SATB1: variants seen among roughly 807,000 people sequenced by gnomAD.
SATB1 encodes DNA-binding protein SATB1.
SATB1 carries 11 observed loss-of-function variants against 86.9 expected under a neutral mutation model. That is an observed-to-expected ratio of 0.13 (90% CI 0.08 to 0.21). The LOEUF is 0.21. Among genes scored for constraint, SATB1 ranks in the 10% least tolerant of loss-of-function variants. SATB1 has a pLI of 1.00. For missense variants in SATB1, 551 were observed against 937.6 expected (o/e 0.59, Z 5.39); for synonymous variants, 357 against 357.2 (o/e 1.00, Z 0.01).
At chr3:18,410,115 G>A (rs1697757525) in intron 5 of SATB1, among the ~76,000 whole-genome samples, 1 of 152,050 alleles carries the variant, frequency 6.6e-6, no homozygotes. Context: ...GATCACCCAT[G>A]ATTAGGGGCT....
intron 5 of SATB1, among the ~76,000 whole-genome samples, chr3:18,408,499 C>T (rs1697663558): frequency 6.6e-6 from 1 of 151,920 alleles, no homozygotes; most frequent in African/African-American, 2.4e-5. Flanking sequence ...TTAAAAGTCC[C>T]AACAGCCAGA....
Position 18,370,780 on chromosome 3 carries a change from T to C in SATB1, c.1575+7390A>G, listed in dbSNP as rs117184940. ...GAGGCCTCATCAAGAAAAGGGCCAT[T>C]TGTTTGAAAATACTCTATTGAGCAT... On this transcript the variant is annotated intron_variant, in intron 9 of 10. Transcript: ENST00000338745. Among the ~76,000 whole-genome samples the C allele has an allele frequency of 1.8e-3, 274 of 152,270 alleles. 8 individuals are homozygous for C. In the East Asian group the frequency reaches 0.049, roughly 27 times the overall value.
At chr3:18,445,243 G>T in intron 1 of SATB1, 1 of 981,780 alleles carries the variant, frequency 1.0e-6, no homozygotes, top group Non-Finnish European at 1.2e-6. Context: ...CTCGGCGGCC[G>T]CTGGCGACAC....
chr3:18,398,819 T>C (rs541960232), intron 5 of SATB1, among the ~76,000 whole-genome samples: 2 of 152,132 alleles, frequency 1.3e-5, no homozygotes, highest in African/African-American at 2.4e-5. Context: ...ATTAATCCAA[T>C]AGCTTGCAAT....
chr3:18,402,845 C>T (rs1448998609), intron 5 of SATB1, among the ~76,000 whole-genome samples: 1 of 152,100 alleles, frequency 6.6e-6, no homozygotes, highest in Non-Finnish European at 1.5e-5. Context: ...GCTCCATCAG[C>T]AGAGAGGGCA....
rs373942016 is a variant in SATB1 at position 18,397,137 on chromosome 3, G to C, written c.751+42C>G. On this transcript the variant is annotated intron_variant, in intron 6 of 10. Transcript: ENST00000338745. ...ACTTTGATAAACCCCCAAATGACAC[G>C]TAATGGTATGTAGCCACTGCTGCAA... The C allele has an allele frequency of 2.3e-5, 24 of 1,063,272 alleles. 1 individual carries two copies. The Middle Eastern group carries it at 8.1e-4, about 36-fold the overall frequency. The allele number at this position is 1,063,272 out of a possible 1,614,324, so 65.9% of individuals were successfully genotyped here.
In SATB1 at chr3:18,385,230, T is replaced by C. The variant is rs532252432; in HGVS notation, c.1419+1169A>G. Among the ~76,000 whole-genome samples the C allele has an allele frequency of 3.3e-5, 5 of 152,366 alleles. No individual in the cohort carries two copies. In the East Asian group the frequency reaches 7.7e-4, roughly 23 times the overall value. On this transcript the variant is annotated intron_variant, in intron 8 of 10. Transcript: ENST00000338745. ...ATACAATTTCACTATGAGATTGTCA[T>C]ATGAATATTTCGACTTTTTCTTCCA...
intron 9 of SATB1, among the ~76,000 whole-genome samples, chr3:18,365,282 A>G (rs1248543433): frequency 6.6e-6 from 1 of 152,180 alleles, no homozygotes; most frequent in Non-Finnish European, 1.5e-5. Flanking sequence ...TTAAAGGTAA[A>G]TAAGATTAGC....
At chr3:18,374,905 G>T (rs887998418) in intron 9 of SATB1, among the ~76,000 whole-genome samples, 3 of 152,144 alleles carry the variant, frequency 2.0e-5, no homozygotes, top group Admixed American at 1.3e-4. Flanking sequence ...TGCATACATT[G>T]TAGCATGTGC....
intron 9 of SATB1, among the ~76,000 whole-genome samples, chr3:18,356,419 GAA>G (rs34464594): frequency 5.7e-5 from 7 of 122,158 alleles, no homozygotes; most frequent in Admixed American, 5.0e-4. Context: ...ATGTAAGATT[GAA>G]AAAAAAAAAA....
Position 18,407,888 on chromosome 3 carries a change from A to T in SATB1, c.639+7223T>A, listed in dbSNP as rs116764193. On this transcript the variant is annotated intron_variant, in intron 5 of 10. Transcript: ENST00000338745. ...ATACAGAGAAGAGTCTCATTGTGAC[A>T]TTTCACAAAGTTAATACTTGTTACA... 2.8e-3 allele frequency among the ~76,000 whole-genome samples: 420 copies of T among 152,168 alleles called. 4 individuals carry two copies. The highest frequency in any genetic ancestry group is 9.7e-3 in the African/African-American group (402 of 41,566).
At chr3:18,365,447 G>A (rs1020310205) in intron 9 of SATB1, among the ~76,000 whole-genome samples, 7 of 152,138 alleles carry the variant, frequency 4.6e-5, no homozygotes, top group South Asian at 2.1e-4. Flanking sequence ...TTGGATGTGC[G>A]GGTGGGTAGG....
intron 8 of SATB1, among the ~76,000 whole-genome samples, chr3:18,379,506 A>G (rs896852211): frequency 2.1e-4 from 32 of 152,230 alleles, no homozygotes; most frequent in African/African-American, 6.8e-4. Context: ...ATGAAAATAG[A>G]AAATGAAGTA....
chr3:18,372,271 G>A (rs1695512692), intron 9 of SATB1, among the ~76,000 whole-genome samples: 1 of 152,096 alleles, frequency 6.6e-6, no homozygotes, highest in Non-Finnish European at 1.5e-5. Context: ...TTCAAATCTG[G>A]TCTAAAAATT....
At chr3:18,371,197 G>C (rs9310552) in intron 9 of SATB1, among the ~76,000 whole-genome samples, 1 of 151,952 alleles carries the variant, frequency 6.6e-6, no homozygotes, top group Admixed American at 6.5e-5. Flanking sequence ...ACTGGAATAG[G>C]TGAATCACAA....
At chr3:18,400,844 A>G (rs770810389) in intron 5 of SATB1, among the ~76,000 whole-genome samples, 1 of 152,192 alleles carries the variant, frequency 6.6e-6, no homozygotes, top group Non-Finnish European at 1.5e-5. Flanking sequence ...AAGTATACTG[A>G]TTAAATTATT....
chr3:18,384,332 C>T (rs367716973), intron 8 of SATB1, among the ~76,000 whole-genome samples: 4 of 151,930 alleles, frequency 2.6e-5, no homozygotes, highest in Non-Finnish European at 4.4e-5. Flanking sequence ...AACTTTAGCT[C>T]AAGAAAAAGC....
In SATB1 at chr3:18,383,415, G is replaced by C. The variant is rs550776064; in HGVS notation, c.1419+2984C>G. Among the ~76,000 whole-genome samples the C allele has an allele frequency of 2.0e-5, 3 of 152,286 alleles. No homozygotes were observed. In the East Asian group the frequency reaches 5.8e-4, roughly 29 times the overall value. The stretch of plus-strand genomic sequence containing the variant: ...CTATAAAGAGGTGGAAGAGAATCCA[G>C]TTTCCCAGGCCTTAATGGGGGCTGG... On this transcript the variant is annotated intron_variant, in intron 8 of 10. Coordinates refer to ENST00000338745, the MANE Select transcript of SATB1 (RefSeq NM_002971.6).
At chr3:18,434,514 T>C (rs1372013561) in intron 2 of SATB1, among the ~76,000 whole-genome samples, 1 of 152,010 alleles carries the variant, frequency 6.6e-6, no homozygotes, top group African/African-American at 2.4e-5. Flanking sequence ...AGAAAGCCTT[T>C]AAAACTCAGA....
Sources: allele counts gnomAD v4.1 joint callset (sites outside exome capture counted in the v4.1 genomes callset), GRCh38; gene constraint gnomAD v4.1.1; transcripts MANE v1.5; gene names NCBI Gene and HGNC (gene_info 2026-07-23, HGNC 2026-07-21).